Variants in RTN1 observed in about 807,000 individuals in gnomAD.
The protein encoded by RTN1 is reticulon 1, also known as reticulon-1.
A neutral mutation model predicts 65.5 loss-of-function variants in RTN1; 25 were observed. The ratio of observed to expected loss-of-function variants is 0.38; its 90% CI spans 0.28 to 0.53. The LOEUF is 0.53. RTN1 is among the 20% of genes least tolerant of loss of function. The pLI is 0.79. For synonymous variants in RTN1, 471 were observed against 447.6 expected, an observed-to-expected ratio of 1.05 and a Z score of -0.66; for missense variants, 983 against 1,025.4, an observed-to-expected ratio of 0.96 and a Z score of 0.57.
At chr14:59,827,477 C>T (rs1366591046) in intron 1 of RTN1, among the ~76,000 whole-genome samples, 3 of 152,140 alleles carry the variant, frequency 2.0e-5, no homozygotes, top group African/African-American at 7.2e-5. Context: ...GTGGGCAGAT[C>T]ATTTTATTTT....
chr14:59,715,004 A>C (rs1884504558), intron 3 of RTN1, among the ~76,000 whole-genome samples: 1 of 152,204 alleles, frequency 6.6e-6, no homozygotes, highest in Admixed American at 6.5e-5. Context: ...TGAGACTCTA[A>C]TGCCTGATGC....
chr14:59,756,212 T>C (rs1885633545), intron 1 of RTN1, among the ~76,000 whole-genome samples: 8 of 152,176 alleles, frequency 5.3e-5, no homozygotes, highest in Admixed American at 5.2e-4. Flanking sequence ...TGGAATCATG[T>C]TTTGGATTTT....
chr14:59,665,466 G>T (rs186811142), intron 3 of RTN1, among the ~76,000 whole-genome samples: 1 of 152,046 alleles, frequency 6.6e-6, no homozygotes, highest in East Asian at 1.9e-4. Context: ...AGAAACAACC[G>T]GTACCAGCCA....
intron 1 of RTN1, among the ~76,000 whole-genome samples, chr14:59,765,617 A>G (rs767120956): frequency 1.3e-5 from 2 of 152,244 alleles, no homozygotes; most frequent in Non-Finnish European, 2.9e-5. Context: ...GTAAAACCAT[A>G]AATAAATAAG....
rs1250612816 is a variant in RTN1 at position 59,836,432 on chromosome 14, C to G, written c.241+33958G>C. On this transcript the variant is annotated intron_variant, in intron 1 of 8. Coordinates refer to ENST00000267484, the MANE Select transcript of RTN1 (RefSeq NM_021136.3). This position sits in a 1 kb window ranked among gnomAD's most constrained non-coding sequence, Gnocchi z 4.9. ...AGAGAGATTAAGGAACTCCCCACAT[C>G]ACACAACTAATTTTTCCAGTTCTTA... 1.3e-5 allele frequency among the ~76,000 whole-genome samples: 2 copies of G among 152,330 alleles called. No homozygotes were observed. The highest frequency in any genetic ancestry group is 3.9e-4 in the East Asian group (2 of 5,184).
chr14:59,652,913 TAC>T (rs1006643481), intron 3 of RTN1, among the ~76,000 whole-genome samples: 6 of 151,808 alleles, frequency 4.0e-5, no homozygotes, highest in African/African-American at 1.5e-4. Flanking sequence ...ACGAAAAAAG[TAC>T]AGAGACTTGT....
intron 1 of RTN1, among the ~76,000 whole-genome samples, chr14:59,783,673 G>T (rs1293394268): frequency 1.3e-5 from 2 of 152,188 alleles, no homozygotes; most frequent in Non-Finnish European, 2.9e-5. Flanking sequence ...CAAGCCTTCT[G>T]CTTTTCCCTA....
At chr14:59,601,835 G>C (rs1296398490) in intron 8 of RTN1, among the ~76,000 whole-genome samples, 1 of 152,032 alleles carries the variant, frequency 6.6e-6, no homozygotes, top group African/African-American at 2.4e-5. Context: ...TTTTAAACAG[G>C]CTCCTCAGGT....
chr14:59,807,707 A>G (rs1048321505), intron 1 of RTN1, among the ~76,000 whole-genome samples: 5 of 152,212 alleles, frequency 3.3e-5, no homozygotes, highest in Admixed American at 1.3e-4. Flanking sequence ...AAGGGATATA[A>G]TATTTTAACT....
intron 3 of RTN1, among the ~76,000 whole-genome samples, chr14:59,622,630 T>C (rs1882287553): frequency 6.6e-6 from 1 of 152,226 alleles, no homozygotes; most frequent in African/African-American, 2.4e-5. Context: ...CCACAAAATG[T>C]TAACAAGAAA....
intron 3 of RTN1, among the ~76,000 whole-genome samples, chr14:59,716,546 G>T (rs1884537299): frequency 6.6e-6 from 1 of 152,014 alleles, no homozygotes; most frequent in African/African-American, 2.4e-5. Context: ...AAATTCGGAG[G>T]GTAATTTAAA....
intron 3 of RTN1, among the ~76,000 whole-genome samples, chr14:59,628,519 A>C (rs766276547): frequency 2.0e-5 from 3 of 152,240 alleles, no homozygotes; most frequent in Non-Finnish European, 4.4e-5. Context: ...TTTTGTGCTC[A>C]TAAGTCCTCC....
intron 1 of RTN1, among the ~76,000 whole-genome samples, chr14:59,749,240 ATATATATC>A (rs201329622): frequency 1.2e-4 from 7 of 59,460 alleles, no homozygotes; most frequent in South Asian, 4.1e-4. Flanking sequence ...ATATATATCT[ATATATATC>A]TATATATCTA....
chr14:59,637,161 T>G (rs961157900), intron 3 of RTN1, among the ~76,000 whole-genome samples: 3 of 152,358 alleles, frequency 2.0e-5, no homozygotes, highest in East Asian at 3.9e-4. Context: ...CAACTAAGTT[T>G]ATGTAATATT....
chr14:59,749,725 CTATATATTTATATA>C (rs1193648695), intron 1 of RTN1, among the ~76,000 whole-genome samples: 1 of 24,986 alleles, frequency 4.0e-5, no homozygotes. Context: ...ATTTATATAT[CTATATATTTATATA>C]TATATCTATA....
chr14:59,607,510 C>T lies in RTN1; in HGVS notation c.1766-18G>A. 1 of 1,586,672 alleles carries T rather than the reference C, an allele frequency of 6.3e-7. No individual in the cohort carries two copies. Among genetic ancestry groups the T allele is most frequent in the Non-Finnish European group, 8.6e-7 (1 of 1,166,056 alleles). On this transcript the variant is annotated intron_variant, in intron 3 of 8. Coordinates refer to ENST00000267484, the MANE Select transcript of RTN1 (RefSeq NM_021136.3). ...GTCAATAGCTGCAGGAGACACCAAA[C>T]ACACCCAGCTGAGCTCCCGCAGTGC...
At chr14:59,862,965 A>G (rs940311258) in intron 1 of RTN1, among the ~76,000 whole-genome samples, 5 of 152,100 alleles carry the variant, frequency 3.3e-5, no homozygotes. Context: ...ACCTGTTCTC[A>G]GCCCCATCTC....
At chr14:59,675,211 T>A (rs564465012) in intron 3 of RTN1, among the ~76,000 whole-genome samples, 1 of 152,156 alleles carries the variant, frequency 6.6e-6, no homozygotes, top group Admixed American at 6.5e-5. Flanking sequence ...GAATAAATAG[T>A]GTCTAAACTA....
At chr14:59,777,965 C>G (rs1193575222) in intron 1 of RTN1, among the ~76,000 whole-genome samples, 1 of 152,132 alleles carries the variant, frequency 6.6e-6, no homozygotes, top group African/African-American at 2.4e-5. Flanking sequence ...GTACCACATT[C>G]ACTCTTGTTC....
Sources: gnomAD v4.1 joint callset for allele counts (sites outside exome capture counted in the v4.1 genomes callset) on GRCh38, gnomAD v4.1.1 for gene constraint, Gnocchi (gnomAD v3.1) non-coding constraint, MANE v1.5 for transcripts, NCBI Gene and HGNC (gene_info 2026-07-23, HGNC 2026-07-21) for gene names.